C9orf153: variants seen among roughly 807,000 people sequenced by gnomAD.
The protein encoded by C9orf153 is uncharacterized protein C9orf153.
In C9orf153, 10 loss-of-function variants were observed where a neutral mutation model predicts 9.0. That is an observed-to-expected ratio of 1.11 (90% CI 0.69 to 1.89). The LOEUF is 1.89. Among genes scored for constraint, C9orf153 ranks in the 40% most tolerant of loss-of-function variants. The pLI, the probability that C9orf153 is intolerant of heterozygous loss-of-function variation, is 0.00. For missense variants in C9orf153, 108 were observed against 111.0 expected, an observed-to-expected ratio of 0.97 and a Z score of 0.12; for synonymous variants, 35 against 37.3, an observed-to-expected ratio of 0.94 and a Z score of 0.23.
chr9:86,230,029 G>A (rs1423940482), intron 1 of C9orf153, among the ~76,000 whole-genome samples: 9 of 152,054 alleles, frequency 5.9e-5, no homozygotes, highest in African/African-American at 1.7e-4. Context: ...AACAGCAAGG[G>A]GAAATCCTCC....
Position 86,221,590 on chromosome 9 carries a change from C to T in C9orf153, c.*98G>A, listed in dbSNP as rs1419319761. The T allele has an allele frequency of 1.3e-5, 19 of 1,435,850 alleles. No homozygotes were observed. Among genetic ancestry groups the T allele is most frequent in the East Asian group, 2.8e-5 (1 of 36,030 alleles). The allele number at this position is 1,435,850 out of a possible 1,614,324, so 88.9% of individuals were successfully genotyped here. ...TTGCGAACTATAGGGGGGAAAATAA[C>T]GTCAGGCATGTCCTGGCTCTCTACA... On this transcript the variant is annotated 3_prime_UTR_variant, in exon 4 of 4. Coordinates refer to ENST00000339137, the MANE Select transcript of C9orf153 (RefSeq NM_001276366.4).
At chr9:86,246,177 G>A (rs184097563) in intron 1 of C9orf153, among the ~76,000 whole-genome samples, 25 of 152,268 alleles carry the variant, frequency 1.6e-4, no homozygotes, top group Non-Finnish European at 1.5e-4. Context: ...GCAGTTGATC[G>A]TCTCAGCTGA....
At chr9:86,226,003 A>C (rs891586626) in intron 3 of C9orf153, among the ~76,000 whole-genome samples, 4 of 152,200 alleles carry the variant, frequency 2.6e-5, no homozygotes, top group Admixed American at 6.5e-5. Context: ...GACCTTATCA[A>C]ACATCCAAAA....
chr9:86,225,366 CTT>C lies in C9orf153; in HGVS notation c.242+2487_242+2488del, dbSNP rs1375945154. 1.1e-4 allele frequency among the ~76,000 whole-genome samples: 16 copies of C among 150,774 alleles called. No homozygotes were observed. The East Asian group carries it at 3.1e-3, about 30-fold the overall frequency. ...TCTTTCCTTCCTTCCTTCCTTCCTT[CTT>C]TCTTTCCTTCTTTCTTTCGTTTCTT... is the stretch of plus-strand genomic sequence containing the variant. On this transcript the variant is annotated intron_variant, in intron 3 of 3. Transcript: ENST00000339137.
In C9orf153 at chr9:86,221,478, C is replaced by A; in HGVS notation, c.*210G>T. The A allele has an allele frequency of 7.9e-7, 1 of 1,269,010 alleles. No homozygotes were observed. The highest frequency in any genetic ancestry group is 1.0e-6 in the Non-Finnish European group (1 of 1,001,780). 78.6% of individuals were successfully genotyped at this position (1,269,010 alleles called of 1,614,324 possible). On this transcript the variant is annotated 3_prime_UTR_variant, in exon 4 of 4. Coordinates refer to ENST00000339137, the MANE Select transcript of C9orf153 (RefSeq NM_001276366.4). ...GCTCTCAAAAGCAAAAATCTACGTCCAAAATATTTTAATACACTACATATT... is the reference window on the plus strand; with the variant it reads ...GCTCTCAAAAGCAAAAATCTACGTCAAAAATATTTTAATACACTACATATT...
chr9:86,256,379 T>C (rs1358590141), intron 1 of C9orf153, among the ~76,000 whole-genome samples: 1 of 152,246 alleles, frequency 6.6e-6, no homozygotes, highest in Non-Finnish European at 1.5e-5. Context: ...TGATAAAGAT[T>C]GCAGACTTAC....
At chr9:86,253,878 TC>T in intron 1 of C9orf153, among the ~76,000 whole-genome samples, 2 of 152,020 alleles carry the variant, frequency 1.3e-5, no homozygotes, top group Non-Finnish European at 2.9e-5. Flanking sequence ...GATCATGAGG[TC>T]AGGAGATAAA....
intron 1 of C9orf153, among the ~76,000 whole-genome samples, chr9:86,241,437 G>A (rs1824741676): frequency 6.6e-6 from 1 of 152,146 alleles, no homozygotes; most frequent in Admixed American, 6.5e-5. Flanking sequence ...GAGGGAGATT[G>A]TTATCAAACT....
chr9:86,254,048 G>A (rs553579124), intron 1 of C9orf153, among the ~76,000 whole-genome samples: 18 of 143,946 alleles, frequency 1.3e-4, no homozygotes, highest in South Asian at 8.8e-4. Flanking sequence ...CCGAGATTGC[G>A]CCATTGCACT....
At chr9:86,257,735 TAAC>T (rs1825154105) in intron 1 of C9orf153, among the ~76,000 whole-genome samples, 2 of 152,184 alleles carry the variant, frequency 1.3e-5, no homozygotes, top group Admixed American at 1.3e-4. Context: ...ACTGCTGATA[TAAC>T]AACCAGAACT....
chr9:86,230,116 G>C (rs1301653511), intron 1 of C9orf153, among the ~76,000 whole-genome samples: 1 of 152,110 alleles, frequency 6.6e-6, no homozygotes, highest in African/African-American at 2.4e-5. Context: ...TTTGGGTGGG[G>C]ACACAAATCC....
rs919868221 is a variant in C9orf153, at chr9:86,239,585, G to A, written c.-26-9956C>T. Among the ~76,000 whole-genome samples, 4 of 152,156 alleles carry A rather than the reference G, an allele frequency of 2.6e-5. No individual in the cohort carries two copies. The South Asian group carries it at 8.3e-4, about 32-fold the overall frequency. On this transcript the variant is annotated intron_variant, in intron 1 of 3. Coordinates refer to ENST00000339137, the MANE Select transcript of C9orf153 (RefSeq NM_001276366.4). ...GAAGGGCCTGGATGGCTGGACTGGG[G>A]CTCAGCAGCAAACCCTTACAGCCTG...
rs111664579 is a variant in C9orf153 at position 86,248,332 on chromosome 9, T to C, written c.-27+11218A>G. Among the ~76,000 whole-genome samples the C allele has an allele frequency of 8.7e-3, 1,316 of 152,070 alleles. 23 individuals are homozygous for C. The highest frequency in any genetic ancestry group is 0.049 in the East Asian group (251 of 5,152). The stretch of plus-strand genomic sequence containing the variant: ...TATTTTTAGTAGAGACTGGGTTTCG[T>C]CATGTTGGCCAGGCTGGTCTCAAAC... On this transcript the variant is annotated intron_variant, in intron 1 of 3. Transcript: ENST00000339137.
chr9:86,241,807 G>C (rs1386655963), intron 1 of C9orf153, among the ~76,000 whole-genome samples: 1 of 152,070 alleles, frequency 6.6e-6, no homozygotes, highest in Non-Finnish European at 1.5e-5. Context: ...TCTATTTTTA[G>C]TAGAGACAGG....
At position 86,227,846 on chromosome 9, in the gene C9orf153, A is replaced by C. The variant is rs1403891613; in HGVS notation, c.242+9T>G. 6.2e-7 allele frequency: 1 copy of C among 1,600,384 alleles called. No homozygotes were observed. Among genetic ancestry groups the C allele is most frequent in the South Asian group, 1.1e-5 (1 of 88,326 alleles). On this transcript the variant is annotated intron_variant, in intron 3 of 3. Transcript: ENST00000339137. The stretch of plus-strand genomic sequence containing the variant: ...GGATGCTTGCTTCTCTTTTTTAACC[A>C]CTGTGCACCTGATAACAGGTTGGAG...
At chr9:86,232,262 C>T (rs74521757) in intron 1 of C9orf153, among the ~76,000 whole-genome samples, 1,962 of 152,264 alleles carry the variant, frequency 0.013, 20 homozygotes, top group Admixed American at 0.024. Flanking sequence ...GTCAGGATTC[C>T]GAATGCTGAA....
intron 2 of C9orf153, chr9:86,229,111 T>A (rs1395290996): frequency 6.2e-6 from 1 of 160,490 alleles, no homozygotes; most frequent in Non-Finnish European, 1.4e-5. Context: ...TAGGTGGAGA[T>A]TTTATAAGTA....
chr9:86,250,795 T>C (rs1315243265), intron 1 of C9orf153, among the ~76,000 whole-genome samples: 1 of 152,218 alleles, frequency 6.6e-6, no homozygotes, highest in Non-Finnish European at 1.5e-5. Context: ...GAAGTTTCAG[T>C]GGTAACGTAG....
rs1825144005 is a variant in C9orf153 at position 86,257,421 on chromosome 9, T to G, written c.-27+2129A>C. Among the ~76,000 whole-genome samples the G allele has an allele frequency of 2.0e-5, 3 of 152,306 alleles. No homozygotes were observed. The South Asian group carries it at 6.2e-4, about 32-fold the overall frequency. On this transcript the variant is annotated intron_variant, in intron 1 of 3. Transcript: ENST00000339137. ...TAAGCTCCTCCCTCCTGGCTTTCACTTGTAATCAGTTGGAGGCTCCATCAA... is the reference window on the plus strand; with the variant it reads ...TAAGCTCCTCCCTCCTGGCTTTCACGTGTAATCAGTTGGAGGCTCCATCAA...
Sources: allele counts gnomAD v4.1 joint callset (sites outside exome capture counted in the v4.1 genomes callset), GRCh38; gene constraint gnomAD v4.1.1; transcripts MANE v1.5; gene names NCBI Gene and HGNC (gene_info 2026-07-23, HGNC 2026-07-21).